CNBD1: variants seen among roughly 807,000 people sequenced by gnomAD.
The protein encoded by CNBD1 is cyclic nucleotide binding domain containing 1.
A neutral mutation model predicts 54.4 loss-of-function variants in CNBD1; 71 were observed. That is an observed-to-expected ratio of 1.30 (90% CI 1.08 to 1.59). The LOEUF (loss-of-function observed/expected upper bound fraction) is 1.59. Ranked by LOEUF, CNBD1 falls within the 40% of genes most tolerant of loss-of-function variation. The pLI is 0.00. For missense variants in CNBD1, 659 were observed against 518.0 expected, an observed-to-expected ratio of 1.27 and a Z score of -2.64; for synonymous variants, 182 against 170.7, an observed-to-expected ratio of 1.07 and a Z score of -0.51.
intron 9 of CNBD1, among the ~76,000 whole-genome samples, 179 bp downstream of exon 9, chr8:87,351,973 T>G (rs1454289951): frequency 1.3e-5 from 2 of 152,186 alleles, no homozygotes; most frequent in African/African-American, 4.8e-5. Flanking sequence ...ATATAAGTTG[T>G]AAGATATATT....
At chr8:87,290,783 G>A (rs1166206108) in intron 8 of CNBD1, among the ~76,000 whole-genome samples, 1 of 152,152 alleles carries the variant, frequency 6.6e-6, no homozygotes, top group Non-Finnish European at 1.5e-5. Flanking sequence ...AGTTAAAAAT[G>A]CAATCCCACT....
chr8:86,978,606 G>A (rs1462433086), intron 4 of CNBD1, among the ~76,000 whole-genome samples: 2 of 131,862 alleles, frequency 1.5e-5, no homozygotes, highest in Admixed American at 9.4e-5. Flanking sequence ...GCAATGGCGC[G>A]ATCTTGGCTC....
At chr8:87,230,642 G>A (rs1814665053) in intron 5 of CNBD1, among the ~76,000 whole-genome samples, 1 of 152,116 alleles carries the variant, frequency 6.6e-6, no homozygotes, top group African/African-American at 2.4e-5. Flanking sequence ...TGGTTTTCTG[G>A]GTTATTGGAA....
chr8:87,231,665 G>T (rs1347993960), intron 5 of CNBD1, among the ~76,000 whole-genome samples: 1 of 151,948 alleles, frequency 6.6e-6, no homozygotes. Flanking sequence ...CACTATATTT[G>T]CATAAGCTTC....
Position 87,277,289 on chromosome 8 carries a change from A to G in CNBD1, c.772-7389A>G, listed in dbSNP as rs149238225. Among the ~76,000 whole-genome samples, 212 of 151,822 alleles carry G rather than the reference A, an allele frequency of 1.4e-3. 1 individual carries two copies. Among genetic ancestry groups the G allele is most frequent in the African/African-American group, 4.9e-3 (204 of 41,500 alleles). On this transcript the variant is annotated intron_variant, in intron 6 of 10. Transcript: ENST00000518476. ...ATTCTGTCTTATTCAGGGGAAGGTCAGCCTTTTATGCTATACAGGCCTTTA... is the reference window on the plus strand; with the variant it reads ...ATTCTGTCTTATTCAGGGGAAGGTCGGCCTTTTATGCTATACAGGCCTTTA...
At chr8:87,314,685 TTAAG>T (rs1424223939) in intron 8 of CNBD1, among the ~76,000 whole-genome samples, 1 of 151,920 alleles carries the variant, frequency 6.6e-6, no homozygotes, top group Non-Finnish European at 1.5e-5. Context: ...AAATATAAAA[TTAAG>T]TGAGGTAAAA....
chr8:87,107,799 TG>T (rs1391029921), intron 4 of CNBD1, among the ~76,000 whole-genome samples: 4 of 152,220 alleles, frequency 2.6e-5, no homozygotes, highest in Non-Finnish European at 5.9e-5. Flanking sequence ...GACTTAGAAC[TG>T]ATCTCCTGGG....
chr8:87,206,093 C>G lies in CNBD1; in HGVS notation c.532C>G (p.Leu178Val). Residue 178 changes from leucine to valine, a missense_variant, in exon 5 of 11, where the codon CTT (leucine) becomes GTT (valine). Transcript: ENST00000518476. ...FQLNDKHLKT[L>V]SKTVFSETWL... ...GCTAAATGATAAGCATCTGAAAACA[C>G]TTAGTAAGACTGTCTTTTCCGAAAC... 1 of 1,596,878 alleles carries G rather than the reference C, an allele frequency of 6.3e-7. No individual in the cohort carries two copies. The highest frequency in any genetic ancestry group is 1.4e-5 in the African/African-American group (1 of 73,754).
At chr8:86,962,402 C>T (rs1463308810) in intron 4 of CNBD1, among the ~76,000 whole-genome samples, 1 of 152,132 alleles carries the variant, frequency 6.6e-6, no homozygotes, top group Non-Finnish European at 1.5e-5. Context: ...TATTTCCTGA[C>T]TTTAGCCATG....
chr8:87,272,325 A>G (rs1236031119), intron 6 of CNBD1, among the ~76,000 whole-genome samples: 1 of 152,044 alleles, frequency 6.6e-6, no homozygotes, highest in South Asian at 2.1e-4. Flanking sequence ...AAATCATCAC[A>G]TGTATCTAAA....
chr8:87,102,592 T>A (rs919354923), intron 4 of CNBD1, among the ~76,000 whole-genome samples: 1 of 151,970 alleles, frequency 6.6e-6, no homozygotes, highest in African/African-American at 2.4e-5. Flanking sequence ...ATTTGGAATG[T>A]GGAGGCAGCA....
chr8:87,030,528 C>G (rs1257826665), intron 4 of CNBD1, among the ~76,000 whole-genome samples: 1 of 152,142 alleles, frequency 6.6e-6, no homozygotes, highest in East Asian at 1.9e-4. Flanking sequence ...CTCCATGCTA[C>G]ATATCCTTTT....
In CNBD1 at chr8:86,929,868, A is replaced by G. The variant is rs980931031; in HGVS notation, c.273-9728A>G. Among the ~76,000 whole-genome samples, 12 of 152,260 alleles carry G rather than the reference A, an allele frequency of 7.9e-5. No homozygotes were observed. In the South Asian group the frequency reaches 8.3e-4, roughly 11 times the overall value. Reference sequence around the variant, plus strand: ...AGGCCAGCCGTTTGCTACTACATCAATTTCCTTACTTAGGTATGCAACTGG... The same window carrying G: ...AGGCCAGCCGTTTGCTACTACATCAGTTTCCTTACTTAGGTATGCAACTGG... On this transcript the variant is annotated intron_variant, in intron 3 of 10. Transcript: ENST00000518476.
At chr8:86,898,040 G>A (rs534192359) in intron 2 of CNBD1, among the ~76,000 whole-genome samples, 2 of 152,182 alleles carry the variant, frequency 1.3e-5, no homozygotes, top group East Asian at 3.9e-4. Flanking sequence ...AAGTTAAAAA[G>A]AATGACATAT....
intron 8 of CNBD1, among the ~76,000 whole-genome samples, chr8:87,322,835 T>C (rs1242555744): frequency 2.7e-5 from 3 of 112,966 alleles, no homozygotes; most frequent in Admixed American, 8.9e-5. Context: ...AATTTTGTCT[T>C]TTGTTGCCAT....
At chr8:86,900,443 G>A (rs889706469) in intron 2 of CNBD1, among the ~76,000 whole-genome samples, 7 of 152,110 alleles carry the variant, frequency 4.6e-5, no homozygotes, top group African/African-American at 1.7e-4. Flanking sequence ...AGATTTGATC[G>A]TGACTCACAT....
intron 4 of CNBD1, among the ~76,000 whole-genome samples, chr8:86,961,958 C>G (rs186345922): frequency 1.5e-3 from 224 of 147,124 alleles, no homozygotes; most frequent in African/African-American, 5.4e-3. Flanking sequence ...ATTGCTAACC[C>G]TAGGGGTGGA....
chr8:87,271,512 A>C (rs1444221503), intron 6 of CNBD1, among the ~76,000 whole-genome samples: 1 of 151,912 alleles, frequency 6.6e-6, no homozygotes, highest in East Asian at 1.9e-4. Context: ...CCTATTGGTC[A>C]TTCAGGAGAA....
At chr8:87,285,072 T>C (rs140523842) in intron 7 of CNBD1, among the ~76,000 whole-genome samples, 1 of 151,964 alleles carries the variant, frequency 6.6e-6, no homozygotes, top group East Asian at 1.9e-4. Context: ...TTTAAACTCA[T>C]TAATTTATTC....
Sources: gnomAD v4.1 joint callset for allele counts (sites outside exome capture counted in the v4.1 genomes callset) on GRCh38, gnomAD v4.1.1 for gene constraint, MANE v1.5 for transcripts, NCBI Gene and HGNC (gene_info 2026-07-23, HGNC 2026-07-21) for gene names.